The following PDE1A variants were observed in gnomAD, a reference collection of about 807,000 sequenced individuals.
PDE1A encodes the protein dual specificity calcium/calmodulin-dependent 3',5'-cyclic nucleotide phosphodiesterase 1A.
A neutral mutation model predicts 61.7 loss-of-function variants in PDE1A; 35 were observed. The ratio of observed to expected loss-of-function variants is 0.57; its 90% CI spans 0.43 to 0.75. The LOEUF (loss-of-function observed/expected upper bound fraction) is 0.75. Among genes scored for constraint, PDE1A ranks in the 30% least tolerant of loss-of-function variants. The pLI is 0.00. For missense variants in PDE1A, 597 were observed against 630.6 expected, an observed-to-expected ratio of 0.95 and a Z score of 0.57; for synonymous variants, 232 against 213.2, an observed-to-expected ratio of 1.09 and a Z score of -0.77.
intron 6 of PDE1A, among the ~76,000 whole-genome samples, chr2:182,227,622 T>C (rs1424744112): frequency 2.0e-5 from 3 of 152,094 alleles, no homozygotes; most frequent in East Asian, 1.9e-4. Flanking sequence ...GCAAATGTTT[T>C]ATTTACTCCT....
intron 2 of PDE1A, among the ~76,000 whole-genome samples, chr2:182,474,530 T>C (rs896039288): frequency 1.3e-5 from 2 of 151,888 alleles, no homozygotes; most frequent in Non-Finnish European, 2.9e-5. Context: ...CTCTGAACCC[T>C]GGTATTTTTT....
intron 1 of PDE1A, among the ~76,000 whole-genome samples, chr2:182,320,584 T>A (rs1220877154): frequency 6.6e-6 from 1 of 152,192 alleles, no homozygotes; most frequent in East Asian, 1.9e-4. Flanking sequence ...TGTAAGTATA[T>A]ATTAGCAATA....
chr2:182,305,377 G>A (rs771180516), intron 1 of PDE1A, among the ~76,000 whole-genome samples: 1 of 151,744 alleles, frequency 6.6e-6, no homozygotes, highest in Non-Finnish European at 1.5e-5. Context: ...CATACTTTCA[G>A]CTTTACCCTT....
chr2:182,225,242 C>T lies in PDE1A; in HGVS notation c.676-1278G>A, dbSNP rs73046044. 3.2e-3 allele frequency among the ~76,000 whole-genome samples: 486 copies of T among 151,926 alleles called. 4 individuals are homozygous for T. The highest frequency in any genetic ancestry group is 0.011 in the African/African-American group (469 of 41,516). Reference sequence around the variant, plus strand: ...AAAATAGAATTGTCAATAGTACAATCGTGTTGGAGAATCAAGTGAAGTGTA... The same window carrying T: ...AAAATAGAATTGTCAATAGTACAATTGTGTTGGAGAATCAAGTGAAGTGTA... On this transcript the variant is annotated intron_variant, in intron 6 of 13. Transcript: ENST00000351439.
At chr2:182,665,187 T>C in the PDE1A span, among the ~76,000 whole-genome samples, 1 of 152,088 alleles carries the variant, frequency 6.6e-6, no homozygotes, top group Non-Finnish European at 1.5e-5. Flanking sequence ...TTTCTTGTCA[T>C]AAAAAATGTA....
At chr2:182,654,411 G>A in the PDE1A span, among the ~76,000 whole-genome samples, 1 of 152,118 alleles carries the variant, frequency 6.6e-6, no homozygotes, top group Non-Finnish European at 1.5e-5. Context: ...TTTCACTTGG[G>A]ATTCTGTTTC....
intron 7 of PDE1A, among the ~76,000 whole-genome samples, chr2:182,215,607 A>G (rs1199915951): frequency 2.9e-5 from 4 of 137,418 alleles, no homozygotes; most frequent in Non-Finnish European, 6.2e-5. Flanking sequence ...CCAAAGAAAT[A>G]CAAACTACCA....
intron 7 of PDE1A, among the ~76,000 whole-genome samples, chr2:182,219,983 A>C (rs1055756318): frequency 1.3e-5 from 2 of 152,142 alleles, no homozygotes; most frequent in East Asian, 3.8e-4. Flanking sequence ...CAGCCTGTTT[A>C]AGATCTGTGT....
At chr2:182,323,732 AAGG>A (rs1440264213) in intron 1 of PDE1A, among the ~76,000 whole-genome samples, 1 of 152,130 alleles carries the variant, frequency 6.6e-6, no homozygotes, top group Non-Finnish European at 1.5e-5. Flanking sequence ...CCAGGAACAC[AAGG>A]AGGATAGTAA....
At chr2:182,668,830 G>A in the PDE1A span, among the ~76,000 whole-genome samples, 1 of 152,138 alleles carries the variant, frequency 6.6e-6, no homozygotes, top group Non-Finnish European at 1.5e-5. Context: ...CTCTTACAGA[G>A]TCAGCAGCTT....
At chr2:182,411,536 C>A (rs1702615662) in intron 1 of PDE1A, among the ~76,000 whole-genome samples, 1 of 152,108 alleles carries the variant, frequency 6.6e-6, no homozygotes, top group Middle Eastern at 3.2e-3. Flanking sequence ...TCTGGATATA[C>A]CTATGTTCAC....
At chr2:182,363,384 T>A (rs1699626068) in intron 1 of PDE1A, among the ~76,000 whole-genome samples, 1 of 151,772 alleles carries the variant, frequency 6.6e-6, no homozygotes, top group Admixed American at 6.6e-5. Flanking sequence ...TACAATGAAG[T>A]ATATGATATA....
At chr2:182,162,078 G>A (rs1691413426) in intron 13 of PDE1A, among the ~76,000 whole-genome samples, 1 of 152,152 alleles carries the variant, frequency 6.6e-6, no homozygotes. Flanking sequence ...GGGTCCAGAA[G>A]ATACACCTTT....
intron 2 of PDE1A, among the ~76,000 whole-genome samples, chr2:182,505,472 C>T (rs996781925): frequency 1.3e-5 from 2 of 152,130 alleles, no homozygotes. Context: ...TTCGTAGATG[C>T]TTATTCTGGG....
At chr2:182,705,187 A>G in the PDE1A span, among the ~76,000 whole-genome samples, 2 of 152,210 alleles carry the variant, frequency 1.3e-5, no homozygotes. Context: ...CAAAAATTCT[A>G]TATGATGTGG....
At chr2:182,201,415 T>G (rs778806544) in intron 10 of PDE1A, 24 bp downstream of exon 10, 1 of 1,612,380 alleles carries the variant, frequency 6.2e-7, no homozygotes, top group Admixed American at 1.7e-5. Flanking sequence ...CCAAAAACAT[T>G]TGCACAGAGT....
intron 1 of PDE1A, among the ~76,000 whole-genome samples, chr2:182,360,609 A>T (rs1009609751): frequency 6.6e-6 from 1 of 150,960 alleles, no homozygotes. Context: ...CCTATGACGC[A>T]TGTAGAGACC....
intron 1 of PDE1A, among the ~76,000 whole-genome samples, chr2:182,397,697 T>C (rs115101289): frequency 1.5e-3 from 221 of 152,248 alleles, no homozygotes; most frequent in African/African-American, 5.0e-3. Flanking sequence ...TAATGTTTAG[T>C]ACTGGAGTCA....
At chr2:182,561,752 T>C in the PDE1A span, among the ~76,000 whole-genome samples, 95,736 of 150,998 alleles carry the variant, frequency 0.63, 33,871 homozygotes, top group East Asian at 0.91. Context: ...TTTGTAGTTC[T>C]CCTTGAAGAG....
Sources: gnomAD v4.1 joint callset for allele counts (sites outside exome capture counted in the v4.1 genomes callset) on GRCh38, gnomAD v4.1.1 for gene constraint, MANE v1.5 for transcripts, NCBI Gene and HGNC (gene_info 2026-07-23, HGNC 2026-07-21) for gene names.